SESN1: variants seen among roughly 807,000 people sequenced by gnomAD.
SESN1 encodes sestrin 1, also known as sestrin-1.
A neutral mutation model predicts 59.3 loss-of-function variants in SESN1; 30 were observed. The ratio of observed to expected loss-of-function variants is 0.51; its 90% confidence interval spans 0.38 to 0.69. The LOEUF (loss-of-function observed/expected upper bound fraction) is 0.69. Ranked by LOEUF, SESN1 falls within the 30% of genes least tolerant of loss-of-function variation. The pLI, the probability that SESN1 is intolerant of heterozygous loss-of-function variation, is 0.00. For synonymous variants in SESN1, 197 were observed against 219.9 expected, an observed-to-expected ratio of 0.90 and a Z score of 0.92; for missense variants, 566 against 673.0, an observed-to-expected ratio of 0.84 and a Z score of 1.76.
intron 1 of SESN1, among the ~76,000 whole-genome samples, chr6:109,012,734 G>A (rs2114351602): frequency 6.6e-6 from 1 of 152,254 alleles, no homozygotes; most frequent in Non-Finnish European, 1.5e-5. Context: ...AAAAAGGAAA[G>A]AGTGATCCAT....
At chr6:109,082,926 T>A (rs917996106) in intron 1 of SESN1, among the ~76,000 whole-genome samples, 1 of 152,208 alleles carries the variant, frequency 6.6e-6, no homozygotes, top group Non-Finnish European at 1.5e-5. Context: ...ACCATCACAA[T>A]CATCACCAAT....
In SESN1 at chr6:109,006,819, T is replaced by C. The variant is rs979388533; in HGVS notation, c.280-4476A>G. Among the ~76,000 whole-genome samples the C allele has an allele frequency of 1.2e-3, 190 of 152,192 alleles. 1 individual carries two copies. Among genetic ancestry groups the C allele is most frequent in the Non-Finnish European group, 2.9e-5 (2 of 68,026 alleles). The stretch of plus-strand genomic sequence containing the variant: ...CAAAAAAGGCACTGCGGGTGTTCAA[T>C]GGGGTGATCATAAGCCAAACTAAAT... On this transcript the variant is annotated intron_variant, in intron 1 of 9. Coordinates refer to ENST00000436639, the MANE Select transcript of SESN1 (RefSeq NM_014454.3).
At chr6:109,021,438 C>G (rs1780008662) in intron 1 of SESN1, among the ~76,000 whole-genome samples, 1 of 152,040 alleles carries the variant, frequency 6.6e-6, no homozygotes, top group Non-Finnish European at 1.5e-5. Context: ...TTTTATTTAT[C>G]AGTCATATCT....
intron 8 of SESN1, among the ~76,000 whole-genome samples, chr6:108,989,352 A>G (rs936093076): frequency 2.0e-5 from 3 of 152,056 alleles, no homozygotes; most frequent in Non-Finnish European, 4.4e-5. Flanking sequence ...TAAGAAACAA[A>G]TTAATTACAT....
chr6:108,998,324 G>T (rs1489786761), intron 5 of SESN1, among the ~76,000 whole-genome samples, 189 bp downstream of exon 5: 2 of 152,092 alleles, frequency 1.3e-5, no homozygotes, highest in Non-Finnish European at 2.9e-5. Context: ...GTAAAATGTT[G>T]TATATCACCT....
intron 8 of SESN1, among the ~76,000 whole-genome samples, chr6:108,989,514 T>TAGAGAGAG (rs1779305142): frequency 1.3e-5 from 2 of 150,800 alleles, no homozygotes; most frequent in African/African-American, 4.9e-5. Flanking sequence ...TCTATATATA[T>TAGAGAGAG]ATAGAGAGAT....
In SESN1 at chr6:109,093,947, T is replaced by A; in HGVS notation, c.127A>T (p.Lys43Ter). The change falls in exon 1 of 10, where the codon AAA becomes TAA. Residue 43 changes from lysine (K) to a stop codon, truncating the protein, a stop_gained. Transcript: ENST00000436639. LOFTEE classifies it high-confidence loss of function. The stretch of plus-strand genomic sequence containing the variant: ...TCTGATGGACGATGAGGTGTTTCTT[T>A]CACCGAACGAAGATACTCGGTTTTC... The part of the protein sequence containing the change: ...LRKTEYLRSV[K>*]ETPHRPSDGL... The A allele has an allele frequency of 6.2e-7, 1 of 1,614,214 alleles. No individual in the cohort carries two copies. Among genetic ancestry groups the A allele is most frequent in the South Asian group, 1.1e-5 (1 of 91,088 alleles).
At chr6:108,997,076 G>T (rs79285264) in intron 5 of SESN1, among the ~76,000 whole-genome samples, 14,939 of 152,132 alleles carry the variant, frequency 0.098, 891 homozygotes, top group Middle Eastern at 0.19. Context: ...TGTATCTGAA[G>T]AGCTGAGTCA....
intron 1 of SESN1, among the ~76,000 whole-genome samples, chr6:109,011,734 TCCTC>T (rs1779861627): frequency 1.3e-5 from 2 of 151,660 alleles, no homozygotes; most frequent in African/African-American, 4.8e-5. Context: ...GCTCAAGTGA[TCCTC>T]CCACCTCAGC....
At chr6:109,003,462 G>C (rs1394203451) in intron 1 of SESN1, among the ~76,000 whole-genome samples, 1 of 151,956 alleles carries the variant, frequency 6.6e-6, no homozygotes, top group Non-Finnish European at 1.5e-5. Flanking sequence ...AAGCAGAACA[G>C]GCTTTTAAAA....
chr6:109,028,166 C>A (rs1467232982), intron 1 of SESN1, among the ~76,000 whole-genome samples: 2 of 151,970 alleles, frequency 1.3e-5, no homozygotes, highest in Non-Finnish European at 2.9e-5. Flanking sequence ...CATCTGTTTT[C>A]TTCTGAAAGT....
At chr6:109,091,512 GC>G (rs1367795194) in intron 1 of SESN1, among the ~76,000 whole-genome samples, 1 of 152,118 alleles carries the variant, frequency 6.6e-6, no homozygotes, top group African/African-American at 2.4e-5. Context: ...ATTACTTTCA[GC>G]TCCTAGAACT....
In SESN1 at chr6:108,985,513, T is replaced by C. The variant is rs1375429107; in HGVS notation, c.*2031A>G. On this transcript the variant is annotated 3_prime_UTR_variant, in exon 10 of 10. Coordinates refer to ENST00000436639, the MANE Select transcript of SESN1 (RefSeq NM_014454.3). Reference sequence around the variant, plus strand: ...ACTCCAACAGGAAGCACCTGCTAAATGGAAGGCATTGAAACATTAACTTTG... The same window carrying C: ...ACTCCAACAGGAAGCACCTGCTAAACGGAAGGCATTGAAACATTAACTTTG... Among the ~76,000 whole-genome samples, 4 of 152,224 alleles carry C rather than the reference T, an allele frequency of 2.6e-5. No homozygotes were observed. The highest frequency in any genetic ancestry group is 1.5e-5 in the Non-Finnish European group (1 of 68,034).
At chr6:109,061,630 C>T (rs927213714) in intron 1 of SESN1, among the ~76,000 whole-genome samples, 1 of 151,956 alleles carries the variant, frequency 6.6e-6, no homozygotes, top group African/African-American at 2.4e-5. Context: ...ATGGTGAAAC[C>T]CTGTCTCTAC....
chr6:109,040,329 CTG>C (rs34921936), intron 1 of SESN1, among the ~76,000 whole-genome samples: 14,005 of 152,018 alleles, frequency 0.092, 854 homozygotes, highest in Middle Eastern at 0.19. Context: ...AGTATTACGA[CTG>C]AGGATTTTTT....
chr6:109,090,691 C>T (rs1177513164), intron 1 of SESN1: 1 of 152,084 alleles, frequency 6.6e-6, no homozygotes, highest in Non-Finnish European at 1.5e-5. Flanking sequence ...AGGGGTTGGT[C>T]TTGCTATCTC....
At chr6:109,063,704 G>A (rs1192074954) in intron 1 of SESN1, among the ~76,000 whole-genome samples, 4 of 151,982 alleles carry the variant, frequency 2.6e-5, no homozygotes, top group South Asian at 4.1e-4. Flanking sequence ...ATTCAGATAC[G>A]TCTTGTGCTA....
At chr6:109,049,061 A>C (rs1016655796) in intron 1 of SESN1, among the ~76,000 whole-genome samples, 6 of 152,232 alleles carry the variant, frequency 3.9e-5, no homozygotes, top group African/African-American at 1.4e-4. Flanking sequence ...CATGTGTATG[A>C]ATAAATGACA....
intron 1 of SESN1, among the ~76,000 whole-genome samples, chr6:109,013,367 G>A (rs1486134127): frequency 6.6e-6 from 1 of 152,224 alleles, no homozygotes; most frequent in Non-Finnish European, 1.5e-5. Flanking sequence ...GAAGATGACA[G>A]TGGATTCTGT....
Sources: gnomAD v4.1 joint callset for allele counts (sites outside exome capture counted in the v4.1 genomes callset) on GRCh38, gnomAD v4.1.1 for gene constraint, MANE v1.5 for transcripts, NCBI Gene and HGNC (gene_info 2026-07-23, HGNC 2026-07-21) for gene names.